Variants in CEP120 observed in about 807,000 individuals in gnomAD.
CEP120 encodes the protein centrosomal protein of 120 kDa.
A neutral mutation model predicts 126.5 loss-of-function variants in CEP120; 113 were observed. The observed-to-expected ratio is 0.89, with a 90% CI of 0.77 to 1.04. The LOEUF (loss-of-function observed/expected upper bound fraction) is 1.04. Ranked by LOEUF, CEP120 falls within the 50% of genes least tolerant of loss-of-function variation. The probability of loss-of-function intolerance (pLI) is 0.00; values close to 1 mark genes in which losing one functional copy is unlikely to be tolerated. For missense variants in CEP120, 1,230 were observed against 1,155.7 expected (o/e 1.06, Z -0.93); for synonymous variants, 400 against 394.3 (o/e 1.01, Z -0.17).
intron 16 of CEP120, among the ~76,000 whole-genome samples, chr5:123,374,195 C>T (rs920760591): frequency 2.6e-5 from 4 of 151,820 alleles, no homozygotes; most frequent in African/African-American, 7.3e-5. Flanking sequence ...GGTTCAATTC[C>T]TTCATACTAA....
intron 4 of CEP120, chr5:123,402,077 G>A: frequency 6.3e-7 from 1 of 1,586,252 alleles, no homozygotes; most frequent in Non-Finnish European, 8.7e-7. Flanking sequence ...CCTTCTCCTG[G>A]GTGCACACAG....
At chr5:123,377,257 A>C in intron 16 of CEP120, 117 bp downstream of exon 16, 1 of 910,654 alleles carries the variant, frequency 1.1e-6, no homozygotes, top group Non-Finnish European at 1.7e-6. Flanking sequence ...CAATAATATG[A>C]TTAATAGTCT....
At chr5:123,389,733 C>T (rs540907469) in intron 8 of CEP120, among the ~76,000 whole-genome samples, 191 bp downstream of exon 8, 2 of 152,324 alleles carry the variant, frequency 1.3e-5, no homozygotes, top group South Asian at 4.1e-4. Context: ...TGCCCAACCT[C>T]AGGTGATCCA....
intron 17 of CEP120, among the ~76,000 whole-genome samples, chr5:123,367,370 TTTCA>T (rs548636161): frequency 1.5e-3 from 232 of 152,080 alleles, no homozygotes; most frequent in African/African-American, 5.4e-3. Context: ...GCCTTCAATA[TTTCA>T]TTTTTTAAAG....
intron 16 of CEP120, among the ~76,000 whole-genome samples, chr5:123,376,602 C>A (rs183183328): frequency 1.3e-5 from 2 of 152,126 alleles, no homozygotes; most frequent in African/African-American, 4.8e-5. Context: ...TAGAGGGGCC[C>A]ATCACTGAAA....
chr5:123,390,348 T>C, intron 7 of CEP120: 1 of 636,978 alleles, frequency 1.6e-6, no homozygotes, highest in South Asian at 1.5e-5. Flanking sequence ...TATCCAGAGC[T>C]GAATACCAAA....
At chr5:123,393,853 T>TC (rs1448851238) in intron 5 of CEP120, among the ~76,000 whole-genome samples, 1 of 152,242 alleles carries the variant, frequency 6.6e-6, no homozygotes, top group Non-Finnish European at 1.5e-5. Context: ...ATCTCATACT[T>TC]CCTCAGCCAT....
At chr5:123,348,342 A>T (rs941598655) in intron 19 of CEP120, among the ~76,000 whole-genome samples, 3 of 152,242 alleles carry the variant, frequency 2.0e-5, no homozygotes, top group Non-Finnish European at 4.4e-5. Flanking sequence ...AACAGTGCTT[A>T]GCAAACAGCA....
Position 123,384,993 on chromosome 5 carries a change from C to A in CEP120, c.1721G>T (p.Arg574Leu). 1.9e-6 allele frequency: 3 copies of A among 1,613,152 alleles called. No individual in the cohort carries two copies. Among genetic ancestry groups the A allele is most frequent in the Non-Finnish European group, 1.7e-6 (2 of 1,179,570 alleles). Residue 574 changes from arginine (R) to leucine (L), a missense_variant, in exon 11 of 20, where the codon CGT becomes CTT. Coordinates refer to ENST00000306467, the MANE Select transcript of CEP120 (RefSeq NM_001375405.1). ...AGGCACACTTTCACTGTAAGTTTGA[C>A]GCCAACACTGTTCACCATTAGAACC... ...FLGSNGEQCW[R>L]QTYSESVPVI...
intron 3 of CEP120, among the ~76,000 whole-genome samples, chr5:123,413,813 T>A (rs919611774): frequency 6.6e-6 from 1 of 152,198 alleles, no homozygotes; most frequent in Non-Finnish European, 1.5e-5. Context: ...GTATTTCTTA[T>A]AACAAATATG....
At chr5:123,356,845 C>T (rs772697840) in intron 18 of CEP120, among the ~76,000 whole-genome samples, 51 of 151,974 alleles carry the variant, frequency 3.4e-4, no homozygotes, top group Non-Finnish European at 2.9e-4. Flanking sequence ...TGTTGTTTTC[C>T]TACAACCAAT....
intron 14 of CEP120, among the ~76,000 whole-genome samples, chr5:123,379,751 C>A (rs1271896938): frequency 6.6e-6 from 1 of 152,054 alleles, no homozygotes; most frequent in Non-Finnish European, 1.5e-5. Context: ...CTTTCCTCCC[C>A]TCTTCCAACA....
At chr5:123,420,634 C>G (rs1048672667) in intron 1 of CEP120, among the ~76,000 whole-genome samples, 1 of 152,076 alleles carries the variant, frequency 6.6e-6, no homozygotes, top group African/African-American at 2.4e-5. Context: ...TTAAGAAAAT[C>G]AGATTTGCAT....
chr5:123,417,839 T>A (rs1190048341), intron 2 of CEP120, among the ~76,000 whole-genome samples: 1 of 152,180 alleles, frequency 6.6e-6, no homozygotes, highest in Non-Finnish European at 1.5e-5. Context: ...ATACTTAACA[T>A]CTCAGGCCTC....
At chr5:123,398,352 T>C (rs1772940554) in intron 5 of CEP120, among the ~76,000 whole-genome samples, 1 of 152,160 alleles carries the variant, frequency 6.6e-6, no homozygotes, top group African/African-American at 2.4e-5. Context: ...CTGGACATTC[T>C]TGCAGAGTAT....
chr5:123,413,291 TAATA>T (rs1038647971), intron 3 of CEP120, among the ~76,000 whole-genome samples: 5 of 150,910 alleles, frequency 3.3e-5, no homozygotes, highest in African/African-American at 7.3e-5. Flanking sequence ...ATAATAATAA[TAATA>T]AATAAATAAG....
intron 4 of CEP120, among the ~76,000 whole-genome samples, chr5:123,404,385 A>G (rs1773503867): frequency 6.6e-6 from 1 of 152,206 alleles, no homozygotes; most frequent in South Asian, 2.1e-4. Flanking sequence ...GGTCATCCAA[A>G]AGAAGATGTC....
intron 19 of CEP120, among the ~76,000 whole-genome samples, chr5:123,348,639 C>T (rs1182830464): frequency 6.6e-6 from 1 of 152,168 alleles, no homozygotes; most frequent in East Asian, 1.9e-4. Flanking sequence ...TTTTTCTCCA[C>T]TTCATACATG....
chr5:123,368,012 G>A (rs1770587859), intron 17 of CEP120, among the ~76,000 whole-genome samples: 1 of 151,808 alleles, frequency 6.6e-6, no homozygotes, highest in Admixed American at 6.6e-5. Flanking sequence ...TTTTCACTAG[G>A]CACTTAAACA....
Sources: gnomAD v4.1 joint callset for allele counts (sites outside exome capture counted in the v4.1 genomes callset) on GRCh38, gnomAD v4.1.1 for gene constraint, MANE v1.5 for transcripts, NCBI Gene and HGNC (gene_info 2026-07-23, HGNC 2026-07-21) for gene names.